MORN1: variants seen among roughly 807,000 people sequenced by gnomAD.
MORN1 encodes the protein MORN repeat containing 1, also known as MORN repeat-containing protein 1.
MORN1 carries 67 observed loss-of-function variants against 61.9 expected under a neutral mutation model. The ratio of observed to expected loss-of-function variants is 1.08; its 90% CI spans 0.89 to 1.33. The LOEUF (loss-of-function observed/expected upper bound fraction) is 1.33. Among genes scored for constraint, MORN1 ranks in the 40% most tolerant of loss-of-function variants. The pLI is 0.00. For synonymous variants in MORN1, 301 were observed against 292.0 expected, an observed-to-expected ratio of 1.03 and a Z score of -0.31; for missense variants, 752 against 691.2, an observed-to-expected ratio of 1.09 and a Z score of -0.99.
intron 12 of MORN1, among the ~76,000 whole-genome samples, chr1:2,328,146 C>T (rs1186737180): frequency 1.3e-5 from 2 of 152,280 alleles, no homozygotes; most frequent in Non-Finnish European, 2.9e-5. Flanking sequence ...CTTTGCTGTC[C>T]TCAGTCTTCC....
At chr1:2,351,956 T>A in intron 10 of MORN1, 1 of 520,046 alleles carries the variant, frequency 1.9e-6, no homozygotes, top group South Asian at 1.7e-5. Context: ...GGCTTCCCTC[T>A]GCTCGAGGGA....
chr1:2,353,340 C>G (rs1167472216), intron 10 of MORN1, among the ~76,000 whole-genome samples: 1 of 152,256 alleles, frequency 6.6e-6, no homozygotes, highest in African/African-American at 2.4e-5. Flanking sequence ...CCCCCCTGTC[C>G]CTGCTGGCTG....
At chr1:2,368,455 C>T (rs150732490) in intron 8 of MORN1, among the ~76,000 whole-genome samples, 35 of 152,342 alleles carry the variant, frequency 2.3e-4, no homozygotes, top group African/African-American at 8.2e-4. Context: ...GTCATCAGGC[C>T]ATTGCCATGG....
At chr1:2,336,887 C>T (rs199585972) in intron 10 of MORN1, 37 bp from the exon 11 acceptor site, 1,232 of 1,510,152 alleles carry the variant, frequency 8.2e-4, no homozygotes, top group Non-Finnish European at 1.0e-3. Context: ...CTATGAGGGG[C>T]TCAGGGCGGA....
intron 10 of MORN1, among the ~76,000 whole-genome samples, chr1:2,348,393 G>GCGTCTC (rs1641560878): frequency 6.6e-6 from 1 of 152,080 alleles, no homozygotes; most frequent in African/African-American, 2.4e-5. Context: ...GGCTGGTGGC[G>GCGTCTC]CGTCTCCGTG....
At position 2,335,847 on chromosome 1, in the gene MORN1, G is replaced by C. The variant is rs538489264; in HGVS notation, c.1250+622C>G. ...CCTCCATAGCCCAGCCCAGCCCAGC[G>C]CGCAGCTGCCCCCAATTTGTAGACA... On this transcript the variant is annotated intron_variant, in intron 12 of 13. Coordinates refer to ENST00000378531, the MANE Select transcript of MORN1 (RefSeq NM_024848.3). Among the ~76,000 whole-genome samples the C allele has an allele frequency of 1.3e-3, 170 of 134,718 alleles. 3 individuals are homozygous for C. Among genetic ancestry groups the C allele is most frequent in the African/African-American group, 6.6e-3 (164 of 24,970 alleles). 88.4% of individuals were successfully genotyped at this position (134,718 alleles called of 152,430 possible).
At chr1:2,341,421 C>T (rs1332056862) in intron 10 of MORN1, among the ~76,000 whole-genome samples, 6 of 152,146 alleles carry the variant, frequency 3.9e-5, no homozygotes, top group Admixed American at 1.3e-4. Flanking sequence ...AGGGGCCGGG[C>T]GTGGTGGCTC....
At chr1:2,324,164 G>A in intron 12 of MORN1, 21 bp from the exon 13 acceptor site, 3 of 1,590,046 alleles carry the variant, frequency 1.9e-6, no homozygotes, top group South Asian at 1.1e-5. Context: ...GACACAGTGA[G>A]GCCCCTGAAT....
At chr1:2,346,790 C>T (rs112254725) in intron 10 of MORN1, among the ~76,000 whole-genome samples, 6,095 of 152,272 alleles carry the variant, frequency 0.04, 405 homozygotes, top group African/African-American at 0.14. Flanking sequence ...CAGGGTGTTC[C>T]AGCCCCCAGC....
intron 6 of MORN1, among the ~76,000 whole-genome samples, chr1:2,382,794 C>T (rs1570042576): frequency 6.6e-6 from 1 of 152,194 alleles, no homozygotes; most frequent in Non-Finnish European, 1.5e-5. Context: ...GGGGCAGCAA[C>T]GACGCTGACA....
intron 10 of MORN1, among the ~76,000 whole-genome samples, chr1:2,342,840 ATATTT>A (rs768672830): frequency 0.018 from 1,850 of 101,962 alleles, 31 homozygotes; most frequent in Non-Finnish European, 0.019. Flanking sequence ...ATTTTATTTT[ATATTT>A]TATTTTATTT....
At chr1:2,371,002 G>A (rs1214697720) in intron 8 of MORN1, among the ~76,000 whole-genome samples, 1 of 151,664 alleles carries the variant, frequency 6.6e-6, no homozygotes, top group Non-Finnish European at 1.5e-5. Context: ...TCAGGAGATC[G>A]AGACCATCCT....
At chr1:2,381,581 C>T (rs1642372391) in intron 6 of MORN1, among the ~76,000 whole-genome samples, 1 of 152,094 alleles carries the variant, frequency 6.6e-6, no homozygotes, top group African/African-American at 2.4e-5. Context: ...TGGGCCTGGA[C>T]GGCAGAGGAG....
At chr1:2,363,143 C>T (rs1284926319) in intron 8 of MORN1, 1 of 152,130 alleles carries the variant, frequency 6.6e-6, no homozygotes, top group African/African-American at 2.4e-5. Context: ...AATTTTATTA[C>T]ATATATGAAC....
At chr1:2,379,125 G>A (rs1461963887) in intron 6 of MORN1, 3 of 471,092 alleles carry the variant, frequency 6.4e-6, no homozygotes, top group Admixed American at 4.7e-5. Flanking sequence ...TCGAGAGGGA[G>A]AACAGGTCTC....
chr1:2,385,602 C>G, intron 5 of MORN1: 1 of 360,432 alleles, frequency 2.8e-6, no homozygotes, highest in Non-Finnish European at 4.9e-6. Flanking sequence ...TTTCAATAAA[C>G]AAGGGGAAAA....
chr1:2,373,263 C>T (rs965101926), intron 7 of MORN1, among the ~76,000 whole-genome samples: 3 of 152,230 alleles, frequency 2.0e-5, no homozygotes, highest in Non-Finnish European at 4.4e-5. Context: ...GCAGCACAGG[C>T]GATGCCGGGT....
intron 1 of MORN1, chr1:2,390,495 CCTAGTTG>C: frequency 3.0e-6 from 3 of 985,446 alleles, no homozygotes; most frequent in Non-Finnish European, 3.6e-6. Flanking sequence ...TTCATCTCCT[CCTAGTTG>C]CTGGGTGTGC....
At chr1:2,327,878 G>A (rs777636592) in intron 12 of MORN1, among the ~76,000 whole-genome samples, 3 of 152,370 alleles carry the variant, frequency 2.0e-5, no homozygotes, top group East Asian at 1.9e-4. Flanking sequence ...ATCGCGCCTC[G>A]GCGTCCCCGC....
Sources: gnomAD v4.1 joint callset for allele counts (sites outside exome capture counted in the v4.1 genomes callset) on GRCh38, gnomAD v4.1.1 for gene constraint, MANE v1.5 for transcripts, NCBI Gene and HGNC (gene_info 2026-07-23, HGNC 2026-07-21) for gene names.